The following IKZF3 variants were observed in gnomAD, a reference collection of about 807,000 sequenced individuals.
IKZF3 encodes the protein zinc finger protein Aiolos.
Under a neutral mutation model 49.0 loss-of-function variants are expected in IKZF3, and 10 were observed. The observed-to-expected ratio is 0.20, with a 90% CI of 0.13 to 0.35. IKZF3 has a LOEUF of 0.35. Among genes scored for constraint, IKZF3 ranks in the 10% least tolerant of loss-of-function variants. The pLI is 1.00. For synonymous variants in IKZF3, 209 were observed against 228.2 expected (o/e 0.92, Z 0.76); for missense variants, 498 against 664.8 (o/e 0.75, Z 2.76).
intron 3 of IKZF3, among the ~76,000 whole-genome samples, chr17:39,819,904 A>AG (rs1273020708): frequency 1.3e-5 from 2 of 152,102 alleles, no homozygotes; most frequent in African/African-American, 4.8e-5. Flanking sequence ...CCTGACCTCC[A>AG]GAAAAATCCG....
At chr17:39,817,138 G>C (rs2061695881) in intron 3 of IKZF3, among the ~76,000 whole-genome samples, 1 of 152,288 alleles carries the variant, frequency 6.6e-6, no homozygotes, top group Non-Finnish European at 1.5e-5. Context: ...AAAATAAAGT[G>C]AGTGTTTCCA....
chr17:39,758,227 G>A lies in IKZF3; in HGVS notation c.*7563C>T, dbSNP rs1281974371. The A allele has an allele frequency of 6.6e-6, 1 of 152,184 alleles. No homozygotes were observed. The highest frequency in any genetic ancestry group is 1.5e-5 in the Non-Finnish European group (1 of 68,036). 9.4% of individuals were successfully genotyped at this position (152,184 alleles called of 1,614,324 possible). ...ACCAAAGCTCATAGACTGAGAACCTGAGCATGCAAAACCACAGTCTGGGTG... is the reference window on the plus strand; with the variant it reads ...ACCAAAGCTCATAGACTGAGAACCTAAGCATGCAAAACCACAGTCTGGGTG... On this transcript the variant is annotated 3_prime_UTR_variant, in exon 8 of 8. Transcript: ENST00000346872.
At chr17:39,862,415 C>T (rs2063238300) in intron 1 of IKZF3, among the ~76,000 whole-genome samples, 1 of 151,964 alleles carries the variant, frequency 6.6e-6, no homozygotes, top group Middle Eastern at 3.4e-3. Flanking sequence ...CACTATAGAC[C>T]AAATCTCTAA....
At chr17:39,785,439 A>G (rs567577119) in intron 6 of IKZF3, among the ~76,000 whole-genome samples, 1 of 152,290 alleles carries the variant, frequency 6.6e-6, no homozygotes, top group Admixed American at 6.5e-5. Flanking sequence ...AAACCACCCT[A>G]TGAAATGCAA....
At chr17:39,766,978 GA>G (rs2060310283) in intron 7 of IKZF3, among the ~76,000 whole-genome samples, 1 of 152,098 alleles carries the variant, frequency 6.6e-6, no homozygotes, top group African/African-American at 2.4e-5. Flanking sequence ...GTGCTGCAAA[GA>G]GTGGGGACAC....
chr17:39,764,357 A>T lies in IKZF3; in HGVS notation c.*1433T>A, dbSNP rs1244068825. ...GTGTGCACTTGTTGTCCCAGTACTC[A>T]AGAGGCTGAGGTGGGAGGATCACCT... On this transcript the variant is annotated 3_prime_UTR_variant, in exon 8 of 8. Coordinates refer to ENST00000346872, the MANE Select transcript of IKZF3 (RefSeq NM_012481.5). 1 of 152,000 alleles carries T rather than the reference A, an allele frequency of 6.6e-6. No homozygotes were observed. Among genetic ancestry groups the T allele is most frequent in the Non-Finnish European group, 1.5e-5 (1 of 68,124 alleles). 9.4% of individuals were successfully genotyped at this position (152,000 alleles called of 1,614,324 possible).
At chr17:39,786,508 C>T (rs1454389546) in intron 6 of IKZF3, among the ~76,000 whole-genome samples, 1 of 152,188 alleles carries the variant, frequency 6.6e-6, no homozygotes, top group Non-Finnish European at 1.5e-5. Context: ...CGAGTACTGC[C>T]TGACTGCCAT....
chr17:39,786,210 G>A (rs1462323073), intron 6 of IKZF3, among the ~76,000 whole-genome samples: 1 of 152,152 alleles, frequency 6.6e-6, no homozygotes, highest in Non-Finnish European at 1.5e-5. Flanking sequence ...TATAGCATGT[G>A]AGTTATATCT....
chr17:39,803,046 T>C (rs1300034546), intron 3 of IKZF3, among the ~76,000 whole-genome samples: 1 of 152,142 alleles, frequency 6.6e-6, no homozygotes, highest in African/African-American at 2.4e-5. Context: ...TGCTTCCCCA[T>C]TAGAAGAAGA....
At position 39,850,470 on chromosome 17, in the gene IKZF3, T is replaced by C. The variant is rs545788893; in HGVS notation, c.7+13650A>G. Among the ~76,000 whole-genome samples the C allele has an allele frequency of 1.7e-4, 23 of 131,606 alleles. No homozygotes were observed. The East Asian group carries it at 4.4e-3, about 25-fold the overall frequency. The allele number at this position is 131,606 out of a possible 152,430, so 86.3% of individuals were successfully genotyped here. ...ATAAATATATAGCATATTATACATGTACATATAATATATAGCATATTATAC... is the reference window on the plus strand; with the variant it reads ...ATAAATATATAGCATATTATACATGCACATATAATATATAGCATATTATAC... On this transcript the variant is annotated intron_variant, in intron 1 of 7. Coordinates refer to ENST00000346872, the MANE Select transcript of IKZF3 (RefSeq NM_012481.5).
At chr17:39,803,790 G>A (rs1011315313) in intron 3 of IKZF3, among the ~76,000 whole-genome samples, 1 of 152,102 alleles carries the variant, frequency 6.6e-6, no homozygotes, top group Non-Finnish European at 1.5e-5. Context: ...TAGGATTACA[G>A]GCGTGAGCCA....
chr17:39,778,599 C>T (rs1007863788), intron 6 of IKZF3, among the ~76,000 whole-genome samples: 5 of 152,080 alleles, frequency 3.3e-5, no homozygotes, highest in Non-Finnish European at 7.4e-5. Flanking sequence ...GGTCGGAGTT[C>T]GAGACCAGCC....
chr17:39,829,596 T>C (rs962173767), intron 2 of IKZF3, 108 bp from the exon 3 acceptor site: 2 of 719,172 alleles, frequency 2.8e-6, no homozygotes, highest in African/African-American at 3.5e-5. Flanking sequence ...AATCCTTTAG[T>C]GACAGATAGT....
intron 3 of IKZF3, among the ~76,000 whole-genome samples, chr17:39,802,361 C>T (rs867419882): frequency 4.0e-5 from 6 of 151,488 alleles, no homozygotes; most frequent in South Asian, 2.1e-4. Flanking sequence ...AACTCCAGCA[C>T]TTCAGGAGGC....
chr17:39,768,058 A>AG (rs1175203365), intron 7 of IKZF3, among the ~76,000 whole-genome samples: 1 of 152,192 alleles, frequency 6.6e-6, no homozygotes, highest in Non-Finnish European at 1.5e-5. Context: ...TCTCAAAAAA[A>AG]AAAGTTGTAA....
chr17:39,855,859 T>C (rs74779593), intron 1 of IKZF3, among the ~76,000 whole-genome samples: 4,058 of 152,158 alleles, frequency 0.027, 192 homozygotes, highest in African/African-American at 0.093. Flanking sequence ...TTTTATTTCA[T>C]TCTGAACATA....
chr17:39,808,879 G>A (rs1471557717), intron 3 of IKZF3, among the ~76,000 whole-genome samples: 2 of 152,190 alleles, frequency 1.3e-5, no homozygotes, highest in African/African-American at 4.8e-5. Context: ...ATTAAGTAGT[G>A]TTTGTTCAAA....
intron 1 of IKZF3, among the ~76,000 whole-genome samples, chr17:39,852,809 A>G (rs545613464): frequency 6.6e-6 from 1 of 152,270 alleles, no homozygotes; most frequent in African/African-American, 2.4e-5. Flanking sequence ...GTTCTCTACG[A>G]AAAATACAAA....
At chr17:39,795,595 C>T (rs12938749) in intron 3 of IKZF3, among the ~76,000 whole-genome samples, 8,688 of 151,410 alleles carry the variant, frequency 0.057, 384 homozygotes, top group African/African-American at 0.12. Flanking sequence ...TTAGTAAAGA[C>T]GGGGTTTCGC....
Sources: allele counts gnomAD v4.1 joint callset (sites outside exome capture counted in the v4.1 genomes callset), GRCh38; gene constraint gnomAD v4.1.1; transcripts MANE v1.5; gene names NCBI Gene and HGNC (gene_info 2026-07-23, HGNC 2026-07-21).